RNF157: variants seen among roughly 807,000 people sequenced by gnomAD.
The protein encoded by RNF157 is E3 ubiquitin ligase RNF157.
In RNF157, 55 loss-of-function variants were observed where a neutral mutation model predicts 88.3. That is an observed-to-expected ratio of 0.62 (90% CI 0.50 to 0.78). The LOEUF is 0.78. RNF157 is among the 30% of genes least tolerant of loss of function. The pLI, the probability that RNF157 is intolerant of heterozygous loss-of-function variation, is 0.00. For missense variants in RNF157, 788 were observed against 860.8 expected (o/e 0.92, Z 1.06); for synonymous variants, 334 against 341.2 (o/e 0.98, Z 0.23).
chr17:76,221,471 G>A (rs2069981944), intron 1 of RNF157, among the ~76,000 whole-genome samples: 1 of 152,146 alleles, frequency 6.6e-6, no homozygotes, highest in African/African-American at 2.4e-5. Flanking sequence ...ACCTTAACAA[G>A]AAAAATGACC....
chr17:76,148,245 T>C lies in RNF157; in HGVS notation c.1922-2892A>G, dbSNP rs78856872. 8.0e-3 allele frequency among the ~76,000 whole-genome samples: 1,203 copies of C among 149,660 alleles called. 20 individuals are homozygous for C. Among genetic ancestry groups the C allele is most frequent in the African/African-American group, 0.028 (1,134 of 40,648 alleles). ...TGTATTGGTATTTCCACTAAAAAGATCCAAATTATCTTTGCCTTTTTTTTT... is the reference window on the plus strand; with the variant it reads ...TGTATTGGTATTTCCACTAAAAAGACCCAAATTATCTTTGCCTTTTTTTTT... On this transcript the variant is annotated intron_variant, in intron 18 of 18. Coordinates refer to ENST00000269391, the MANE Select transcript of RNF157 (RefSeq NM_052916.3).
At chr17:76,220,092 G>A (rs1016662566) in intron 1 of RNF157, among the ~76,000 whole-genome samples, 3 of 152,030 alleles carry the variant, frequency 2.0e-5, no homozygotes, top group East Asian at 3.9e-4. Flanking sequence ...AAGTAGGAGG[G>A]GGTGCCGCTA....
chr17:76,217,293 G>C (rs959269550), intron 1 of RNF157, among the ~76,000 whole-genome samples: 4 of 152,016 alleles, frequency 2.6e-5, no homozygotes, highest in Admixed American at 6.6e-5. Flanking sequence ...ACAGGTGTGA[G>C]CCACCGAGCC....
chr17:76,169,302 AT>A (rs1231919784), intron 3 of RNF157, among the ~76,000 whole-genome samples: 31 of 152,028 alleles, frequency 2.0e-4, no homozygotes, highest in Non-Finnish European at 1.6e-4. Context: ...TCTAAAAGCT[AT>A]TTTTTTGGTT....
chr17:76,228,938 A>G (rs1380049291), intron 1 of RNF157, among the ~76,000 whole-genome samples: 3 of 150,886 alleles, frequency 2.0e-5, no homozygotes, highest in Non-Finnish European at 4.4e-5. Flanking sequence ...TAATAATAAT[A>G]ATACAAAAAA....
At chr17:76,149,430 C>A (rs531371708) in intron 18 of RNF157, among the ~76,000 whole-genome samples, 1 of 151,978 alleles carries the variant, frequency 6.6e-6, no homozygotes, top group Non-Finnish European at 1.5e-5. Context: ...CGGGAGAGAG[C>A]TGGCCACAGG....
At chr17:76,191,600 C>CAAAA (rs71363619) in intron 2 of RNF157, among the ~76,000 whole-genome samples, 6 of 65,238 alleles carry the variant, frequency 9.2e-5, no homozygotes, top group Non-Finnish European at 1.2e-4. Context: ...GACTCCGCCT[C>CAAAA]AAAAAAAAAA....
At chr17:76,186,118 T>C (rs2069282337) in intron 2 of RNF157, among the ~76,000 whole-genome samples, 1 of 152,120 alleles carries the variant, frequency 6.6e-6, no homozygotes, top group Non-Finnish European at 1.5e-5. Context: ...CTACTCTCTA[T>C]TTCAAAAATA....
Position 76,166,920 on chromosome 17 carries a change from G to A in RNF157, c.561+89C>T, listed in dbSNP as rs58418601. 2.0e-3 allele frequency: 1,664 copies of A among 813,968 alleles called. 21 individuals are homozygous for A. In the African/African-American group the frequency reaches 0.025, roughly 12 times the overall value. The allele number at this position is 813,968 out of a possible 1,614,324, so 50.4% of individuals were successfully genotyped here. A position where few individuals can be genotyped will look rare whatever the true frequency, so the allele number is the denominator to read the frequency against. On this transcript the variant is annotated intron_variant, in intron 5 of 18. Transcript: ENST00000269391. ...AGGTAAGCATGGCCTTCAAGCATCCGAGCAGCCCCTTTGCTGTCAGACCGA... is the reference window on the plus strand; with the variant it reads ...AGGTAAGCATGGCCTTCAAGCATCCAAGCAGCCCCTTTGCTGTCAGACCGA...
chr17:76,200,301 A>G (rs2069553292), intron 2 of RNF157, among the ~76,000 whole-genome samples: 1 of 152,172 alleles, frequency 6.6e-6, no homozygotes, highest in Admixed American at 6.5e-5. Context: ...TCCCTAGCCC[A>G]ATAGCCAAAA....
intron 1 of RNF157, among the ~76,000 whole-genome samples, chr17:76,232,161 T>C (rs1162112047): frequency 6.6e-6 from 1 of 152,166 alleles, no homozygotes; most frequent in Non-Finnish European, 1.5e-5. Context: ...GGCTGAAGGA[T>C]GGCTCAAGAC....
chr17:76,194,527 T>G (rs944879194), intron 2 of RNF157, among the ~76,000 whole-genome samples: 14 of 152,128 alleles, frequency 9.2e-5, no homozygotes, highest in African/African-American at 3.4e-4. Flanking sequence ...GTGAAGTGGA[T>G]AGTTTAAACC....
chr17:76,209,072 T>G (rs2069731375), intron 2 of RNF157, among the ~76,000 whole-genome samples: 1 of 152,202 alleles, frequency 6.6e-6, no homozygotes, highest in African/African-American at 2.4e-5. Context: ...GATGTTCTTT[T>G]TTTTTTTAAG....
chr17:76,154,695 C>G, intron 16 of RNF157: 1 of 239,070 alleles, frequency 4.2e-6, no homozygotes. Context: ...GATCCCAAAC[C>G]CCATCCAGAT....
intron 13 of RNF157, 68 bp downstream of exon 13, chr17:76,158,325 G>A (rs559570453): frequency 2.0e-6 from 2 of 1,003,682 alleles, no homozygotes; most frequent in South Asian, 2.5e-5. Flanking sequence ...GGGACCTGAT[G>A]AGGCATGCAG....
intron 2 of RNF157, among the ~76,000 whole-genome samples, chr17:76,181,757 A>G (rs2069191864): frequency 6.6e-6 from 1 of 151,072 alleles, no homozygotes; most frequent in Admixed American, 6.6e-5. Context: ...AAAATACAAA[A>G]ATCAGCTGGG....
intron 1 of RNF157, chr17:76,225,610 G>C: frequency 3.0e-6 from 2 of 667,538 alleles, no homozygotes; most frequent in Non-Finnish European, 4.7e-6. Flanking sequence ...AGGCATCTAT[G>C]TCTGTATTTA....
chr17:76,240,260 C>T lies in RNF157; in HGVS notation c.-20G>A. 2 of 1,152,398 alleles carry T rather than the reference C, an allele frequency of 1.7e-6. No individual in the cohort carries two copies. The highest frequency in any genetic ancestry group is 2.2e-6 in the Non-Finnish European group (2 of 930,132). The allele number at this position is 1,152,398 out of a possible 1,614,324, so 71.4% of individuals were successfully genotyped here. Reference sequence around the variant, plus strand: ...CCCCATGGCCGCTGCGGCTGCAGCCCCGGCCCGGCCCCGGTGCCCGCGCCG... The same window carrying T: ...CCCCATGGCCGCTGCGGCTGCAGCCTCGGCCCGGCCCCGGTGCCCGCGCCG... On this transcript the variant is annotated 5_prime_UTR_variant, in exon 1 of 19. Transcript: ENST00000269391. The surrounding 1 kb of genome is among the most constrained non-coding windows in gnomAD (Gnocchi z 4.4).
At chr17:76,185,237 A>G (rs2069261272) in intron 2 of RNF157, among the ~76,000 whole-genome samples, 1 of 152,172 alleles carries the variant, frequency 6.6e-6, no homozygotes, top group Admixed American at 6.5e-5. Context: ...GCCCCCCCAG[A>G]TAGGAAGCCT....
Sources: allele counts gnomAD v4.1 joint callset (sites outside exome capture counted in the v4.1 genomes callset), GRCh38; gene constraint gnomAD v4.1.1; non-coding constraint Gnocchi (gnomAD v3.1); transcripts MANE v1.5; gene names NCBI Gene and HGNC (gene_info 2026-07-23, HGNC 2026-07-21).